The following ROR1 variants were observed in gnomAD, a reference collection of about 807,000 sequenced individuals.
ROR1 encodes inactive tyrosine-protein kinase transmembrane receptor ROR1.
A neutral mutation model predicts 78.8 loss-of-function variants in ROR1; 19 were observed. The observed-to-expected ratio is 0.24, with a 90% CI of 0.17 to 0.35. ROR1 has a LOEUF of 0.35. ROR1 is among the 10% of genes least tolerant of loss of function. ROR1 has a pLI of 1.00. For synonymous variants in ROR1, 386 were observed against 433.6 expected, an observed-to-expected ratio of 0.89 and a Z score of 1.36; for missense variants, 917 against 1,177.8, an observed-to-expected ratio of 0.78 and a Z score of 3.24.
intron 2 of ROR1, among the ~76,000 whole-genome samples, chr1:64,014,740 C>CTATATACATATATATA (rs1482272108): frequency 3.4e-5 from 1 of 29,048 alleles, no homozygotes; most frequent in African/African-American, 1.1e-4. Flanking sequence ...CATACGCACA[C>CTATATACATATATATA]TATATATATA....
At chr1:63,892,540 T>C (rs1645405672) in intron 1 of ROR1, among the ~76,000 whole-genome samples, 1 of 152,182 alleles carries the variant, frequency 6.6e-6, no homozygotes, top group African/African-American at 2.4e-5. Context: ...ATTTTACAGA[T>C]GTGAAAGCCT....
chr1:63,972,293 G>C (rs1456062360), intron 1 of ROR1, among the ~76,000 whole-genome samples: 1 of 152,066 alleles, frequency 6.6e-6, no homozygotes, highest in Admixed American at 6.6e-5. Flanking sequence ...TTTCCGATGA[G>C]GAACCCAGGG....
chr1:64,142,979 A>C, intron 7 of ROR1: 1 of 1,114,558 alleles, frequency 9.0e-7, no homozygotes, highest in Non-Finnish European at 1.1e-6. Context: ...GTCTGCGTCC[A>C]AGTGGACCTT....
intron 4 of ROR1, among the ~76,000 whole-genome samples, chr1:64,060,137 C>G (rs758512927): frequency 1.3e-5 from 2 of 151,810 alleles, no homozygotes; most frequent in African/African-American, 2.4e-5. Context: ...CTTCTGTGGT[C>G]TCCTGCAGAA....
intron 2 of ROR1, among the ~76,000 whole-genome samples, chr1:64,047,262 A>G (rs937385198): frequency 6.6e-6 from 1 of 152,246 alleles, no homozygotes; most frequent in Admixed American, 6.5e-5. Context: ...AGTTATTGTT[A>G]TAAAAACAAT....
chr1:64,154,089 G>A (rs1336420077), intron 7 of ROR1, among the ~76,000 whole-genome samples: 3 of 152,048 alleles, frequency 2.0e-5, no homozygotes, highest in Non-Finnish European at 4.4e-5. Flanking sequence ...AACCTTTTCT[G>A]CAGGGAAAAT....
chr1:64,177,568 A>G lies in ROR1; in HGVS notation c.1527A>G (p.Lys509=). ...HAQLVAIKTL[K]DYNNPQQWTE... is the part of the protein sequence containing the mutation. ...AGCTGGTTGCTATCAAGACCTTGAA[A>G]GACTATAACAACCCCCAGCAATGGA... Residue 509 remains lysine, a synonymous_variant, in exon 9 of 9, where the codon AAA becomes AAG. Transcript: ENST00000371079. 1 of 1,614,198 alleles carries G rather than the reference A, an allele frequency of 6.2e-7. No homozygotes were observed. The highest frequency in any genetic ancestry group is 1.3e-5 in the African/African-American group (1 of 75,048).
intron 4 of ROR1, among the ~76,000 whole-genome samples, chr1:64,100,392 G>A (rs1400944185): frequency 6.6e-6 from 1 of 152,074 alleles, no homozygotes; most frequent in Non-Finnish European, 1.5e-5. Flanking sequence ...GGAGGCACAG[G>A]TGGGAGGATC....
chr1:64,054,078 T>G (rs1349091743), intron 4 of ROR1, among the ~76,000 whole-genome samples: 3 of 152,060 alleles, frequency 2.0e-5, no homozygotes, highest in African/African-American at 7.2e-5. Context: ...CTCAGCCTTC[T>G]GAGTACCTGG....
intron 2 of ROR1, among the ~76,000 whole-genome samples, chr1:64,035,422 T>G (rs763991426): frequency 1.3e-5 from 2 of 152,194 alleles, no homozygotes; most frequent in Non-Finnish European, 2.9e-5. Flanking sequence ...GCCTACCTCA[T>G]AATAGCCCTC....
At chr1:63,960,107 C>A (rs1646016147) in intron 1 of ROR1, among the ~76,000 whole-genome samples, 1 of 152,186 alleles carries the variant, frequency 6.6e-6, no homozygotes, top group Non-Finnish European at 1.5e-5. Flanking sequence ...CCAGGTAGAC[C>A]CTGCACTTTT....
intron 1 of ROR1, among the ~76,000 whole-genome samples, chr1:63,920,931 T>C (rs1277316873): frequency 6.6e-6 from 1 of 152,200 alleles, no homozygotes; most frequent in East Asian, 1.9e-4. Context: ...GGGCATTTAC[T>C]CTGTGGGAGA....
intron 2 of ROR1, among the ~76,000 whole-genome samples, chr1:64,029,585 G>A (rs1646643147): frequency 1.3e-5 from 2 of 152,138 alleles, no homozygotes; most frequent in African/African-American, 4.8e-5. Flanking sequence ...TTCTGGTAAG[G>A]GCTCTCTTTC....
intron 4 of ROR1, among the ~76,000 whole-genome samples, 190 bp from the exon 5 acceptor site, chr1:64,137,179 G>A (rs1649142020): frequency 6.6e-6 from 1 of 152,168 alleles, no homozygotes; most frequent in African/African-American, 2.4e-5. Flanking sequence ...TGGGGGTGTA[G>A]GAAACTTGAC....
intron 1 of ROR1, among the ~76,000 whole-genome samples, chr1:63,873,619 C>T (rs1645265893): frequency 6.6e-6 from 1 of 152,006 alleles, no homozygotes; most frequent in African/African-American, 2.4e-5. Context: ...AGGACTGGTG[C>T]AGGTAGAATA....
intron 2 of ROR1, among the ~76,000 whole-genome samples, chr1:64,029,158 G>A (rs902633441): frequency 3.9e-5 from 6 of 151,942 alleles, no homozygotes; most frequent in African/African-American, 1.5e-4. Context: ...ATGCTGGGTG[G>A]AAGGTACTTA....
rs1207138879 is a variant in ROR1 at position 64,180,661 on chromosome 1, T to TAG, written c.*1807_*1808insGA. The TAG allele has an allele frequency of 1.3e-5, 2 of 152,206 alleles. No homozygotes were observed. The highest frequency in any genetic ancestry group is 2.9e-5 in the Non-Finnish European group (2 of 68,006). 9.4% of individuals were successfully genotyped at this position (152,206 alleles called of 1,614,324 possible). On this transcript the variant is annotated 3_prime_UTR_variant, in exon 9 of 9. Transcript: ENST00000371079. ...AACTTTAGGTAGAGGAGAATATTTG[T>TAG]ATCCTTTTGTTGCTATGCAACTGTT...
chr1:63,946,942 T>C lies in ROR1; in HGVS notation c.92-62363T>C, dbSNP rs557188422. Reference sequence around the variant, plus strand: ...CTCTGACCCTTCTGAAGCCATACCTTTCACAGTCAGGTTTGCCTGAAGCTA... The same window carrying C: ...CTCTGACCCTTCTGAAGCCATACCTCTCACAGTCAGGTTTGCCTGAAGCTA... On this transcript the variant is annotated intron_variant, in intron 1 of 8. Coordinates refer to ENST00000371079, the MANE Select transcript of ROR1 (RefSeq NM_005012.4). Among the ~76,000 whole-genome samples, 5 of 152,262 alleles carry C rather than the reference T, an allele frequency of 3.3e-5. No individual in the cohort carries two copies. In the East Asian group the frequency reaches 7.7e-4, roughly 24 times the overall value.
At chr1:64,129,700 T>C (rs575970454) in intron 4 of ROR1, among the ~76,000 whole-genome samples, 2 of 152,354 alleles carry the variant, frequency 1.3e-5, no homozygotes, top group South Asian at 2.1e-4. Context: ...ATTCTTTTGA[T>C]TAGCAGTCTT....
Sources: gnomAD v4.1 joint callset for allele counts (sites outside exome capture counted in the v4.1 genomes callset) on GRCh38, gnomAD v4.1.1 for gene constraint, MANE v1.5 for transcripts, NCBI Gene and HGNC (gene_info 2026-07-23, HGNC 2026-07-21) for gene names.